Variants in PATJ observed in about 807,000 individuals in gnomAD.
PATJ encodes PATJ crumbs cell polarity complex component.
A neutral mutation model predicts 224.9 loss-of-function variants in PATJ; 190 were observed. That is an observed-to-expected ratio of 0.84 (90% CI 0.75 to 0.95). PATJ has a LOEUF of 0.95. Ranked by LOEUF, PATJ falls within the 40% of genes least tolerant of loss-of-function variation. The probability of loss-of-function intolerance (pLI) is 0.00; values close to 1 mark genes in which losing one functional copy is unlikely to be tolerated. For missense variants in PATJ, 2,121 were observed against 2,270.3 expected (o/e 0.93, Z 1.34); for synonymous variants, 769 against 820.3 (o/e 0.94, Z 1.07).
intron 27 of PATJ, among the ~76,000 whole-genome samples, chr1:61,974,409 T>C (rs2498970): frequency 4.7e-3 from 448 of 94,348 alleles, no homozygotes; most frequent in African/African-American, 0.01. Flanking sequence ...CTCTCTCTTT[T>C]TTTTTTTTTT....
chr1:61,914,986 C>T (rs11207864), intron 26 of PATJ, among the ~76,000 whole-genome samples: 45,261 of 152,008 alleles, frequency 0.3, 8,046 homozygotes, highest in East Asian at 0.79. Context: ...TTGCTGCTCT[C>T]GCCTGGAAGT....
At chr1:62,124,683 G>C (rs12049510) in intron 39 of PATJ, among the ~76,000 whole-genome samples, 33,093 of 151,988 alleles carry the variant, frequency 0.22, 6,166 homozygotes, top group East Asian at 0.81. Flanking sequence ...TTTTCCTGAG[G>C]CCCCCCTCCT....
intron 30 of PATJ, among the ~76,000 whole-genome samples, chr1:62,050,696 G>A (rs573401826): frequency 6.6e-6 from 1 of 152,078 alleles, no homozygotes; most frequent in African/African-American, 2.4e-5. Flanking sequence ...AAAAGAAAAA[G>A]ACTATCCTAG....
chr1:61,861,284 C>CTTTTTTTT lies in PATJ; in HGVS notation c.2323-251_2323-244dup. ...TGAAACCAGGATATTTTCTTTCTTT[C>CTTTTTTTT]TTTTTTTTTTTTTTTTTTTTTTTAC... On this transcript the variant is annotated intron_variant, in intron 18 of 43. Coordinates refer to ENST00000642238, the MANE Select transcript of PATJ (RefSeq NM_001350145.3). 8.8e-3 allele frequency among the ~76,000 whole-genome samples: 427 copies of CTTTTTTTT among 48,738 alleles called. 13 individuals are homozygous for CTTTTTTTT. Among genetic ancestry groups the CTTTTTTTT allele is most frequent in the African/African-American group, 0.021 (342 of 16,208 alleles). 32.0% of individuals were successfully genotyped at this position (48,738 alleles called of 152,430 possible).
chr1:62,049,331 A>G (rs17123017), intron 30 of PATJ, among the ~76,000 whole-genome samples: 23,267 of 151,442 alleles, frequency 0.15, 1,938 homozygotes, highest in Middle Eastern at 0.26. Flanking sequence ...TCACTCAGTG[A>G]TGTATAAAAA....
chr1:62,016,868 G>A (rs923555319), intron 28 of PATJ, among the ~76,000 whole-genome samples: 3 of 152,110 alleles, frequency 2.0e-5, no homozygotes, highest in African/African-American at 4.8e-5. Context: ...TGTTTAATGG[G>A]CTCTCCAGAG....
At chr1:61,799,807 A>G (rs1178194414) in intron 11 of PATJ, among the ~76,000 whole-genome samples, 1 of 152,070 alleles carries the variant, frequency 6.6e-6, no homozygotes, top group Non-Finnish European at 1.5e-5. Flanking sequence ...GGAGTGTTTA[A>G]TTTCCTGTTT....
chr1:61,812,433 A>AGAGTGTGTGTGTGTGTGT (rs1397549346), intron 14 of PATJ, among the ~76,000 whole-genome samples: 19 of 85,200 alleles, frequency 2.2e-4, no homozygotes, highest in African/African-American at 7.6e-4. Context: ...AGAGAGAGAG[A>AGAGTGTGTGTGTGTGTGT]GTGTGTGTGT....
chr1:61,748,069 C>T (rs982767851), intron 1 of PATJ, among the ~76,000 whole-genome samples: 3 of 151,660 alleles, frequency 2.0e-5, no homozygotes, highest in African/African-American at 7.3e-5. Flanking sequence ...TTAGTAGAGA[C>T]GGGGTTTCAC....
rs1172100483 is a variant in PATJ, at chr1:62,035,615, A to AT, written c.3960-2350dup. On this transcript the variant is annotated intron_variant, in intron 29 of 43. Transcript: ENST00000642238. ...CCCCAACCCACCCCACCATTCATTC[A>AT]TTTTTTTTTTTTCAATAACTATGTT... is the stretch of plus-strand genomic sequence containing the variant. 9.1e-3 allele frequency among the ~76,000 whole-genome samples: 1,124 copies of AT among 124,166 alleles called. 8 individuals carry two copies. The highest frequency in any genetic ancestry group is 0.022 in the African/African-American group (763 of 35,152). The allele number at this position is 124,166 out of a possible 152,430, so 81.5% of individuals were successfully genotyped here.
At chr1:61,925,397 C>T (rs1675040646) in intron 26 of PATJ, among the ~76,000 whole-genome samples, 1 of 152,110 alleles carries the variant, frequency 6.6e-6, no homozygotes. Context: ...ATGGTCAGAC[C>T]ATAAAACCAA....
chr1:62,015,668 G>A (rs1423054838), intron 28 of PATJ, among the ~76,000 whole-genome samples: 2 of 151,998 alleles, frequency 1.3e-5, no homozygotes, highest in Admixed American at 1.3e-4. Flanking sequence ...CAGTAGGTGG[G>A]ACTACAGGTG....
chr1:62,137,945 A>C (rs1023253255), intron 41 of PATJ, among the ~76,000 whole-genome samples: 4 of 151,826 alleles, frequency 2.6e-5, no homozygotes, highest in African/African-American at 9.7e-5. Flanking sequence ...CTTCAGGTTC[A>C]CAGTCTCCTC....
intron 31 of PATJ, among the ~76,000 whole-genome samples, chr1:62,057,554 C>A (rs1654758307): frequency 6.6e-6 from 1 of 152,106 alleles, no homozygotes; most frequent in Admixed American, 6.6e-5. Flanking sequence ...CACTGGCAGT[C>A]CATGAGAGAT....
intron 17 of PATJ, among the ~76,000 whole-genome samples, chr1:61,840,800 G>T (rs1192415049): frequency 1.3e-5 from 2 of 152,068 alleles, no homozygotes; most frequent in African/African-American, 4.8e-5. Flanking sequence ...TTACTCATCA[G>T]AAGAGCATAC....
rs554120234 is a variant in PATJ at position 62,045,938 on chromosome 1, T to G, written c.4033-5028T>G. Among the ~76,000 whole-genome samples, 7 of 152,224 alleles carry G rather than the reference T, an allele frequency of 4.6e-5. No homozygotes were observed. In the East Asian group the frequency reaches 1.2e-3, roughly 25 times the overall value. ...TGTTGTGGCCAGGCACAGGGGCTCA[T>G]GCCTGTAATCCCAGCACTTTGGGAG... On this transcript the variant is annotated intron_variant, in intron 30 of 43. Coordinates refer to ENST00000642238, the MANE Select transcript of PATJ (RefSeq NM_001350145.3).
intron 27 of PATJ, among the ~76,000 whole-genome samples, chr1:61,978,238 TC>T (rs1644256063): frequency 1.8e-5 from 2 of 113,878 alleles, no homozygotes; most frequent in African/African-American, 6.0e-5. Flanking sequence ...CCTCCCTCCC[TC>T]CCTCCCTCCT....
rs1646063152 is a variant in PATJ, at chr1:61,763,190, C to T, written c.189+11C>T. The T allele has an allele frequency of 2.0e-6, 3 of 1,510,144 alleles. No homozygotes were observed. Among genetic ancestry groups the T allele is most frequent in the East Asian group, 2.3e-5 (1 of 43,390 alleles). 93.5% of individuals were successfully genotyped at this position (1,510,144 alleles called of 1,614,324 possible). Reference sequence around the variant, plus strand: ...CAACTGAAGGGTCAAGTAAGTTACCCATCAGAGTTTTACATTAATATATTA... The same window carrying T: ...CAACTGAAGGGTCAAGTAAGTTACCTATCAGAGTTTTACATTAATATATTA... On this transcript the variant is annotated intron_variant, in intron 3 of 43. Transcript: ENST00000642238.
intron 26 of PATJ, among the ~76,000 whole-genome samples, chr1:61,922,767 G>A (rs1191809181): frequency 2.6e-5 from 4 of 152,200 alleles, no homozygotes; most frequent in Non-Finnish European, 5.9e-5. Context: ...ATATGTTGAT[G>A]CAAAGATGTG....
Sources: gnomAD v4.1 joint callset for allele counts (sites outside exome capture counted in the v4.1 genomes callset) on GRCh38, gnomAD v4.1.1 for gene constraint, MANE v1.5 for transcripts, NCBI Gene and HGNC (gene_info 2026-07-23, HGNC 2026-07-21) for gene names.